MACIR: variants seen among roughly 807,000 people sequenced by gnomAD.
The protein encoded by MACIR is macrophage immunometabolism regulator.
A neutral mutation model predicts 14.3 loss-of-function variants in MACIR; 4 were observed. The observed-to-expected ratio is 0.28, with a 90% CI of 0.14 to 0.64. MACIR has a LOEUF of 0.64. Among genes scored for constraint, MACIR ranks in the 30% least tolerant of loss-of-function variants. MACIR has a pLI of 0.83. For synonymous variants in MACIR, 101 were observed against 102.4 expected (o/e 0.99, Z 0.08); for missense variants, 228 against 257.6 (o/e 0.89, Z 0.79).
chr5:103,268,774 AC>A (rs1805018152), intron 2 of MACIR, among the ~76,000 whole-genome samples: 1 of 151,880 alleles, frequency 6.6e-6, no homozygotes, highest in African/African-American at 2.4e-5. Flanking sequence ...CACAACATGG[AC>A]TTGGAGCCAG....
chr5:103,265,352 G>A (rs1580569516), intron 1 of MACIR, among the ~76,000 whole-genome samples: 1 of 152,088 alleles, frequency 6.6e-6, no homozygotes, highest in East Asian at 1.9e-4. Context: ...ACGTTGTAAA[G>A]AGCTTTGCAG....
chr5:103,276,838 T>C lies in MACIR; in HGVS notation c.*298T>C, dbSNP rs937922119. The C allele has an allele frequency of 2.5e-5, 6 of 240,510 alleles. No homozygotes were observed. The Admixed American group carries it at 3.2e-4, about 13-fold the overall frequency. The allele number at this position is 240,510 out of a possible 1,614,324, so 14.9% of individuals were successfully genotyped here. A position where few individuals can be genotyped will look rare whatever the true frequency, so the allele number is the denominator to read the frequency against. On this transcript the variant is annotated 3_prime_UTR_variant, in exon 3 of 3. Transcript: ENST00000319933. Reference sequence around the variant, plus strand: ...GGTACAGTAATTTCATCTTTATGATTCTGACACTCAAATTGGGAATGTTAC... The same window carrying C: ...GGTACAGTAATTTCATCTTTATGATCCTGACACTCAAATTGGGAATGTTAC...
At chr5:103,269,267 T>C (rs1805042177) in intron 2 of MACIR, among the ~76,000 whole-genome samples, 1 of 152,086 alleles carries the variant, frequency 6.6e-6, no homozygotes, top group South Asian at 2.1e-4. Context: ...TATCATGATA[T>C]CACTAGACTG....
Position 103,275,896 on chromosome 5 carries a change from G to T in MACIR, c.-23-1G>T. On this transcript the variant is annotated splice_acceptor_variant, in intron 2 of 2. Transcript: ENST00000319933. LOFTEE classifies it low-confidence loss of function (5UTR_SPLICE). ...TCTAATCTAAGTCTGTTTACTTTTA[G>T]GATTGTGCAGACTGGTGCTTAAAAT... is the stretch of plus-strand genomic sequence containing the variant. The T allele has an allele frequency of 6.3e-7, 1 of 1,594,594 alleles. No homozygotes were observed. The highest frequency in any genetic ancestry group is 1.1e-5 in the South Asian group (1 of 88,630).
chr5:103,267,458 C>T (rs1554236830), intron 2 of MACIR, among the ~76,000 whole-genome samples: 4 of 151,884 alleles, frequency 2.6e-5, no homozygotes, highest in Admixed American at 6.6e-5. Flanking sequence ...ATGCAGAACC[C>T]GTGGAGACAG....
chr5:103,259,201 G>C (rs1282369469), intron 1 of MACIR: 7 of 152,426 alleles, frequency 4.6e-5, no homozygotes, highest in Non-Finnish European at 1.0e-4. Context: ...ACTGGGTGGG[G>C]CCCGCGCGGG....
rs958933332 is a variant in MACIR, at chr5:103,277,790, C to T, written c.*1250C>T. 1.2e-5 allele frequency: 2 copies of T among 166,652 alleles called. No individual in the cohort carries two copies. The highest frequency in any genetic ancestry group is 2.9e-5 in the Non-Finnish European group (2 of 68,006). The allele number at this position is 166,652 out of a possible 1,614,324, so 10.3% of individuals were successfully genotyped here. ...TGTAAACGTTCCATTTCTTTTTTCC[C>T]TCATTTTTGACTCTTAAAGGTGCAA... On this transcript the variant is annotated 3_prime_UTR_variant, in exon 3 of 3. Coordinates refer to ENST00000319933, the MANE Select transcript of MACIR (RefSeq NM_033211.4).
At position 103,278,001 on chromosome 5, in the gene MACIR, A is replaced by AG. The variant is rs1486030726; in HGVS notation, c.*1462dup. 78 of 167,164 alleles carry AG rather than the reference A, an allele frequency of 4.7e-4. No homozygotes were observed. The highest frequency in any genetic ancestry group is 1.8e-3 in the African/African-American group (76 of 41,562). 10.4% of individuals were successfully genotyped at this position (167,164 alleles called of 1,614,324 possible). A position where few individuals can be genotyped will look rare whatever the true frequency, so the allele number is the denominator to read the frequency against. The stretch of plus-strand genomic sequence containing the variant: ...GAATGGCAAACTCTATTTAGAGCAA[A>AG]GTAAGTATTAGAAAACCCTAGGAAC... On this transcript the variant is annotated 3_prime_UTR_variant, in exon 3 of 3. Transcript: ENST00000319933.
chr5:103,270,493 G>C (rs1319548274), intron 2 of MACIR, among the ~76,000 whole-genome samples: 1 of 152,168 alleles, frequency 6.6e-6, no homozygotes, highest in Non-Finnish European at 1.5e-5. Flanking sequence ...GCCATTTATA[G>C]TACATCAATA....
At chr5:103,270,613 G>A (rs782264767) in intron 2 of MACIR, among the ~76,000 whole-genome samples, 39 of 148,536 alleles carry the variant, frequency 2.6e-4, no homozygotes, top group Non-Finnish European at 4.6e-4. Flanking sequence ...GTAAGAAAAA[G>A]ATAGAAAGTA....
intron 2 of MACIR, among the ~76,000 whole-genome samples, chr5:103,269,421 TTTCTC>T: frequency 6.6e-6 from 1 of 151,472 alleles, no homozygotes; most frequent in East Asian, 1.9e-4. Context: ...TGATATCTGT[TTTCTC>T]TTATATGGTA....
chr5:103,269,614 A>G (rs1805053941), intron 2 of MACIR, among the ~76,000 whole-genome samples: 1 of 152,196 alleles, frequency 6.6e-6, no homozygotes, highest in Non-Finnish European at 1.5e-5. Flanking sequence ...CTAAGGAGCT[A>G]AGGCATCTAG....
chr5:103,276,314 G>T lies in MACIR; in HGVS notation c.395G>T (p.Ser132Ile), dbSNP rs1554237714. 1.2e-6 allele frequency: 2 copies of T among 1,612,460 alleles called. No homozygotes were observed. The highest frequency in any genetic ancestry group is 1.7e-6 in the Non-Finnish European group (2 of 1,179,846). ...VNGRRRRRMP[S>I]SGDKCTKSLP... ...GGCAGGAGGCGAAGGCGGATGCCAA[G>T]CTCAGGAGACAAGTGCACTAAATCT... Residue 132 changes from serine (S) to isoleucine (I), a missense_variant, in exon 3 of 3, where the codon AGC becomes ATC. Transcript: ENST00000319933.
At chr5:103,263,219 C>CTGCTCT (rs1418976145) in intron 1 of MACIR, among the ~76,000 whole-genome samples, 224 of 146,354 alleles carry the variant, frequency 1.5e-3, no homozygotes, top group African/African-American at 5.3e-3. Flanking sequence ...CCTCCTCCTC[C>CTGCTCT]TCCTCCTGCT....
chr5:103,264,969 A>G (rs1239426707), intron 1 of MACIR, among the ~76,000 whole-genome samples: 1 of 152,058 alleles, frequency 6.6e-6, no homozygotes, highest in Non-Finnish European at 1.5e-5. Flanking sequence ...CACCCCTCCA[A>G]CTGCTTCTGT....
rs1805332866 is a variant in MACIR, at chr5:103,276,355, T to A, written c.436T>A (p.Tyr146Asn). ...KCTKSLPYEP[Y>N]KALHGPLPLC... ...CACTAAATCTTTACCTTATGAACCT[T>A]ACAAGGCCCTCCATGGGCCTCTGCC... Residue 146 changes from tyrosine to asparagine, a missense_variant, in exon 3 of 3, where the codon TAC becomes AAC. Tyr to Asn is a moderately radical substitution (Grantham distance 143). Transcript: ENST00000319933. 6.2e-7 allele frequency: 1 copy of A among 1,613,382 alleles called. No homozygotes were observed. The highest frequency in any genetic ancestry group is 1.1e-5 in the South Asian group (1 of 91,014).
At chr5:103,270,643 G>A (rs1362770071) in intron 2 of MACIR, among the ~76,000 whole-genome samples, 1 of 152,114 alleles carries the variant, frequency 6.6e-6, no homozygotes, top group Non-Finnish European at 1.5e-5. Context: ...AGGGAAAGGT[G>A]GTTATAAAAA....
Position 103,276,184 on chromosome 5 carries a change from C to T in MACIR, c.265C>T (p.Pro89Ser), listed in dbSNP as rs370976904. ...TGAAGAGAGCAAAGCAGAAGCCATG[C>T]CATCCTTACGCTCCAAACAGCTAGA... ...GGEESKAEAM[P>S]SLRSKQLDAG... Residue 89 changes from proline (P) to serine (S), a missense_variant, in exon 3 of 3, where the codon CCA becomes TCA. By Grantham distance (74) the Pro-to-Ser change is moderately conservative (BLOSUM62 -1). Coordinates refer to ENST00000319933, the MANE Select transcript of MACIR (RefSeq NM_033211.4). 6.9e-5 allele frequency: 112 copies of T among 1,613,652 alleles called. 1 individual carries two copies. The highest frequency in any genetic ancestry group is 9.2e-5 in the Non-Finnish European group (109 of 1,179,970).
rs781987839 is a variant in MACIR at position 103,276,063 on chromosome 5, G to T, written c.144G>T (p.Val48=). 4 of 1,613,980 alleles carry T rather than the reference G, an allele frequency of 2.5e-6. No homozygotes were observed. The highest frequency in any genetic ancestry group is 3.4e-6 in the Non-Finnish European group (4 of 1,180,038). Residue 48 remains valine (V), a synonymous_variant, in exon 3 of 3, where the codon GTG becomes GTT. Transcript: ENST00000319933. ...CCTGCTCCCCGATGCGGAGGACCGT[G>T]TCAGGCTACCAGATCCTACACATGG... The part of the protein sequence containing the change: ...STPCSPMRRT[V]SGYQILHMDS...
Sources: allele counts gnomAD v4.1 joint callset (sites outside exome capture counted in the v4.1 genomes callset), GRCh38; gene constraint gnomAD v4.1.1; transcripts MANE v1.5; gene names NCBI Gene and HGNC (gene_info 2026-07-23, HGNC 2026-07-21).